The following ZPBP variants were observed in gnomAD, a reference collection of about 807,000 sequenced individuals.
ZPBP encodes zona pellucida binding protein.
Under a neutral mutation model 44.8 loss-of-function variants are expected in ZPBP, and 26 were observed. That is an observed-to-expected ratio of 0.58 (90% CI 0.43 to 0.81). ZPBP has a LOEUF of 0.81. ZPBP is among the 30% of genes least tolerant of loss of function. The pLI is 0.00. For synonymous variants in ZPBP, 174 were observed against 153.2 expected (o/e 1.14, Z -1.00); for missense variants, 409 against 434.0 (o/e 0.94, Z 0.51).
chr7:49,996,334 T>C (rs905397307), intron 6 of ZPBP, among the ~76,000 whole-genome samples: 1 of 152,138 alleles, frequency 6.6e-6, no homozygotes, highest in African/African-American at 2.4e-5. Context: ...TGGGGACCCA[T>C]GGAACTACCA....
At chr7:50,043,641 T>C (rs947736316) in intron 4 of ZPBP, among the ~76,000 whole-genome samples, 1 of 152,160 alleles carries the variant, frequency 6.6e-6, no homozygotes, top group Non-Finnish European at 1.5e-5. Context: ...CCTAAATATA[T>C]AGGCACCCAA....
intron 7 of ZPBP, among the ~76,000 whole-genome samples, chr7:49,952,444 G>A (rs1795387986): frequency 6.6e-6 from 1 of 151,946 alleles, no homozygotes; most frequent in Admixed American, 6.6e-5. Flanking sequence ...TCCACTTTTA[G>A]GCACTACAGA....
intron 3 of ZPBP, among the ~76,000 whole-genome samples, chr7:50,072,323 C>T (rs1801880630): frequency 6.6e-6 from 1 of 152,182 alleles, no homozygotes; most frequent in African/African-American, 2.4e-5. Flanking sequence ...TGAGTGCCAG[C>T]TCAGCTGCAA....
chr7:49,941,762 T>G (rs1481722975), intron 7 of ZPBP, among the ~76,000 whole-genome samples: 2 of 152,214 alleles, frequency 1.3e-5, no homozygotes, highest in Admixed American at 6.5e-5. Flanking sequence ...ACATTTTTTT[T>G]TGTGAAAAAC....
chr7:49,968,439 A>C (rs1583935597), intron 7 of ZPBP, among the ~76,000 whole-genome samples: 1 of 152,088 alleles, frequency 6.6e-6, no homozygotes, highest in East Asian at 1.9e-4. Context: ...AAATATAGCA[A>C]CCTAGGAGAG....
chr7:49,947,415 T>C (rs1212835331), intron 7 of ZPBP, among the ~76,000 whole-genome samples: 1 of 152,154 alleles, frequency 6.6e-6, no homozygotes, highest in Admixed American at 6.5e-5. Flanking sequence ...ATATCTGCAT[T>C]AGGGGGCTCT....
intron 2 of ZPBP, among the ~76,000 whole-genome samples, chr7:49,851,651 A>C (rs766064623): frequency 6.6e-6 from 1 of 152,182 alleles, no homozygotes; most frequent in African/African-American, 2.4e-5. Flanking sequence ...TGAGGTCAGG[A>C]GATCGAGACC....
chr7:50,022,309 G>T (rs550873225), intron 5 of ZPBP, among the ~76,000 whole-genome samples: 1 of 151,934 alleles, frequency 6.6e-6, no homozygotes, highest in East Asian at 1.9e-4. Context: ...AATGACAAAT[G>T]AATAAAACAA....
chr7:49,982,319 TA>T (rs1261452760), intron 7 of ZPBP, among the ~76,000 whole-genome samples: 15 of 119,638 alleles, frequency 1.3e-4, no homozygotes, highest in Non-Finnish European at 2.5e-4. Flanking sequence ...TTATATAATA[TA>T]TAATTATATA....
intron 6 of ZPBP, among the ~76,000 whole-genome samples, chr7:49,987,937 T>C (rs150003106): frequency 7.0e-4 from 106 of 152,300 alleles, no homozygotes; most frequent in Non-Finnish European, 1.4e-3. Flanking sequence ...ATGCAGATGT[T>C]GTCAAAATGT....
chr7:49,886,556 T>A (rs1791910615), intron 2 of ZPBP, among the ~76,000 whole-genome samples: 1 of 152,212 alleles, frequency 6.6e-6, no homozygotes, highest in Non-Finnish European at 1.5e-5. Context: ...ATGTCCCTAT[T>A]CAGTTCTTTT....
chr7:49,957,274 G>A (rs781397273), intron 7 of ZPBP, among the ~76,000 whole-genome samples: 5 of 152,190 alleles, frequency 3.3e-5, no homozygotes, highest in Non-Finnish European at 7.3e-5. Context: ...AGCACAGAGT[G>A]GACTAAGATA....
intron 6 of ZPBP, among the ~76,000 whole-genome samples, chr7:49,999,650 A>T (rs562787877): frequency 6.6e-6 from 1 of 152,162 alleles, no homozygotes; most frequent in Non-Finnish European, 1.5e-5. Context: ...AGGAGCACTA[A>T]TGTTTGAGGG....
At chr7:50,020,930 G>T (rs1035571271) in intron 5 of ZPBP, among the ~76,000 whole-genome samples, 2 of 152,098 alleles carry the variant, frequency 1.3e-5, no homozygotes, top group Non-Finnish European at 2.9e-5. Flanking sequence ...ATATGTGTAT[G>T]TAACAAAAGT....
intron 7 of ZPBP, among the ~76,000 whole-genome samples, chr7:49,946,339 T>C (rs1313240026): frequency 2.6e-5 from 4 of 152,194 alleles, no homozygotes; most frequent in African/African-American, 9.6e-5. Flanking sequence ...TTCCTTCAGA[T>C]TGAAGAACTC....
intron 5 of ZPBP, among the ~76,000 whole-genome samples, chr7:50,023,106 G>A (rs188512008): frequency 5.1e-4 from 77 of 152,130 alleles, no homozygotes; most frequent in African/African-American, 1.6e-3. Context: ...TGGAAACCCC[G>A]CCTCAAGAGA....
At chr7:49,919,887 T>C (rs1362103811) in intron 1 of ZPBP, 1 of 152,254 alleles carries the variant, frequency 6.6e-6, no homozygotes, top group Non-Finnish European at 1.5e-5. Context: ...AAAATCATTA[T>C]GTTCTATATA....
the ZPBP span, among the ~76,000 whole-genome samples, chr7:49,844,309 A>G: frequency 6.6e-6 from 1 of 152,196 alleles, no homozygotes; most frequent in Non-Finnish European, 1.5e-5. Flanking sequence ...AAAACACTGC[A>G]GTATTTACAT....
intron 4 of ZPBP, among the ~76,000 whole-genome samples, chr7:50,039,416 T>C (rs1362503633): frequency 6.6e-6 from 1 of 152,102 alleles, no homozygotes; most frequent in Non-Finnish European, 1.5e-5. Context: ...GTAATCTGAA[T>C]CTACATGCAA....
Sources: gnomAD v4.1 joint callset for allele counts (sites outside exome capture counted in the v4.1 genomes callset) on GRCh38, gnomAD v4.1.1 for gene constraint, MANE v1.5 for transcripts, NCBI Gene and HGNC (gene_info 2026-07-23, HGNC 2026-07-21) for gene names.